PAPPA: variants seen among roughly 807,000 people sequenced by gnomAD.
The protein encoded by PAPPA is pappalysin 1.
Under a neutral mutation model 164.0 loss-of-function variants are expected in PAPPA, and 60 were observed. The observed-to-expected ratio is 0.37, with a 90% CI of 0.30 to 0.45. PAPPA has a LOEUF of 0.45. PAPPA is among the 20% of genes least tolerant of loss of function. The pLI is 1.00. For synonymous variants in PAPPA, 875 were observed against 814.1 expected, an observed-to-expected ratio of 1.07 and a Z score of -1.27; for missense variants, 1,782 against 2,087.3, an observed-to-expected ratio of 0.85 and a Z score of 2.85.
intron 9 of PAPPA, among the ~76,000 whole-genome samples, chr9:116,294,053 G>A (rs1180903826): frequency 6.6e-6 from 1 of 152,196 alleles, no homozygotes; most frequent in East Asian, 1.9e-4. Flanking sequence ...AAGGGATTGA[G>A]GTGAGGAAGA....
intron 4 of PAPPA, among the ~76,000 whole-genome samples, chr9:116,215,193 A>G (rs996531364): frequency 9.9e-5 from 15 of 152,248 alleles, no homozygotes; most frequent in Non-Finnish European, 2.1e-4. Context: ...AGGAGACCCA[A>G]GTTGAATGTT....
chr9:116,169,761 A>C (rs1221421488), intron 1 of PAPPA, among the ~76,000 whole-genome samples: 4 of 151,098 alleles, frequency 2.6e-5, no homozygotes, highest in Non-Finnish European at 4.4e-5. Flanking sequence ...CTAGTGTGCC[A>C]GGAAGTTATC....
At chr9:116,157,685 C>G (rs1468829589) in intron 1 of PAPPA, among the ~76,000 whole-genome samples, 2 of 152,104 alleles carry the variant, frequency 1.3e-5, no homozygotes, top group Non-Finnish European at 2.9e-5. Flanking sequence ...AGGCCTTGCC[C>G]CCTGCACCGC....
intron 18 of PAPPA, among the ~76,000 whole-genome samples, chr9:116,363,881 AACTT>A (rs1348369964): frequency 6.6e-6 from 1 of 152,208 alleles, no homozygotes; most frequent in Non-Finnish European, 1.5e-5. Flanking sequence ...TCTTCACTGT[AACTT>A]ACAGTGGGAA....
chr9:116,356,418 T>A (rs2118607823), intron 17 of PAPPA, among the ~76,000 whole-genome samples: 1 of 152,328 alleles, frequency 6.6e-6, no homozygotes, highest in East Asian at 1.9e-4. Flanking sequence ...CCCTGGGGAA[T>A]ACACAAATGA....
At chr9:116,393,372 C>T (rs918924387) in intron 21 of PAPPA, among the ~76,000 whole-genome samples, 1 of 152,198 alleles carries the variant, frequency 6.6e-6, no homozygotes, top group African/African-American at 2.4e-5. Context: ...CACCCAGCAA[C>T]TGACTGTAAA....
intron 9 of PAPPA, among the ~76,000 whole-genome samples, chr9:116,290,095 T>C (rs765024713): frequency 1.8e-4 from 27 of 152,198 alleles, no homozygotes; most frequent in Non-Finnish European, 2.6e-4. Context: ...TTTCACAGCA[T>C]TATTTTACTT....
intron 2 of PAPPA, among the ~76,000 whole-genome samples, chr9:116,191,997 G>T (rs1844048147): frequency 6.6e-6 from 1 of 152,182 alleles, no homozygotes; most frequent in Non-Finnish European, 1.5e-5. Flanking sequence ...GGACTGTATG[G>T]AGGGGATTTC....
intron 7 of PAPPA, among the ~76,000 whole-genome samples, chr9:116,261,936 G>C (rs555512622): frequency 2.0e-5 from 3 of 151,028 alleles, no homozygotes; most frequent in African/African-American, 7.4e-5. Context: ...ATGAGGGCCA[G>C]GCACAGTGGC....
At chr9:116,193,930 G>C (rs1440501024) in intron 2 of PAPPA, among the ~76,000 whole-genome samples, 3 of 152,186 alleles carry the variant, frequency 2.0e-5, no homozygotes, top group Admixed American at 6.5e-5. Flanking sequence ...TTTAATGATG[G>C]AGAAGGGATG....
intron 21 of PAPPA, among the ~76,000 whole-genome samples, chr9:116,395,911 A>G (rs1318445878): frequency 6.6e-6 from 1 of 152,196 alleles, no homozygotes; most frequent in African/African-American, 2.4e-5. Flanking sequence ...CTCAAAAGAC[A>G]CTTCCACATC....
intron 1 of PAPPA, among the ~76,000 whole-genome samples, chr9:116,171,753 G>A (rs1843778275): frequency 6.6e-6 from 1 of 152,108 alleles, no homozygotes. Context: ...GAAACCATGG[G>A]GAGGCTGAAC....
intron 21 of PAPPA, among the ~76,000 whole-genome samples, chr9:116,389,944 GCTT>G (rs758232272): frequency 3.7e-4 from 56 of 151,984 alleles, no homozygotes; most frequent in Non-Finnish European, 6.9e-4. Flanking sequence ...ATAAGAATGT[GCTT>G]CTTGTTTGTT....
At chr9:116,369,519 C>T (rs1846545232) in intron 19 of PAPPA, among the ~76,000 whole-genome samples, 1 of 152,154 alleles carries the variant, frequency 6.6e-6, no homozygotes, top group Admixed American at 6.5e-5. Context: ...CGAACTCCCA[C>T]ATACCCGAAA....
chr9:116,180,023 G>A (rs1843884528), intron 1 of PAPPA, among the ~76,000 whole-genome samples: 1 of 152,100 alleles, frequency 6.6e-6, no homozygotes, highest in African/African-American at 2.4e-5. Flanking sequence ...CAGCTAGTGG[G>A]CATCCTTTAA....
At chr9:116,244,839 A>G (rs1386933096) in intron 7 of PAPPA, among the ~76,000 whole-genome samples, 1 of 152,156 alleles carries the variant, frequency 6.6e-6, no homozygotes, top group Non-Finnish European at 1.5e-5. Flanking sequence ...AAGATAAATC[A>G]TTAGAAAGAT....
intron 9 of PAPPA, chr9:116,287,542 G>A (rs1845355295): frequency 6.6e-6 from 1 of 152,228 alleles, no homozygotes; most frequent in Non-Finnish European, 1.5e-5. Context: ...GAAGCCTGCA[G>A]AGGCAGGCAA....
At chr9:116,380,319 T>C (rs1241926407) in intron 20 of PAPPA, among the ~76,000 whole-genome samples, 3 of 142,804 alleles carry the variant, frequency 2.1e-5, no homozygotes, top group African/African-American at 5.1e-5. Flanking sequence ...GATGGACGGA[T>C]GGATGGATAG....
chr9:116,240,246 G>A (rs1374345176), intron 7 of PAPPA, among the ~76,000 whole-genome samples: 1 of 152,198 alleles, frequency 6.6e-6, no homozygotes, highest in African/African-American at 2.4e-5. Flanking sequence ...TGGTGATCCA[G>A]TGGTGCTGAA....
Sources: gnomAD v4.1 joint callset for allele counts (sites outside exome capture counted in the v4.1 genomes callset) on GRCh38, gnomAD v4.1.1 for gene constraint, MANE v1.5 for transcripts, NCBI Gene and HGNC (gene_info 2026-07-23, HGNC 2026-07-21) for gene names.